The following MAML3 variants were observed in gnomAD, a reference collection of about 807,000 sequenced individuals.
The protein encoded by MAML3 is mastermind like transcriptional coactivator 3, also known as mastermind-like protein 3.
MAML3 carries 27 observed loss-of-function variants against 101.9 expected under a neutral mutation model. The observed-to-expected ratio is 0.27, with a 90% CI of 0.20 to 0.37. The LOEUF (loss-of-function observed/expected upper bound fraction) is 0.37, where lower values mean the gene tolerates loss of function less well. Among genes scored for constraint, MAML3 ranks in the 10% least tolerant of loss-of-function variants. The probability of loss-of-function intolerance (pLI) is 1.00; values close to 1 mark genes in which losing one functional copy is unlikely to be tolerated. For missense variants in MAML3, 1,316 were observed against 1,444.9 expected, an observed-to-expected ratio of 0.91 and a Z score of 1.45; for synonymous variants, 501 against 555.9, an observed-to-expected ratio of 0.90 and a Z score of 1.39.
At chr4:139,739,058 C>G (rs978882535) in intron 2 of MAML3, among the ~76,000 whole-genome samples, 1 of 152,166 alleles carries the variant, frequency 6.6e-6, no homozygotes, top group Admixed American at 6.5e-5. Context: ...TGAGTCTTCC[C>G]AGTATCCAGC....
chr4:140,002,463 T>A (rs1459874496), intron 1 of MAML3, among the ~76,000 whole-genome samples: 1 of 152,226 alleles, frequency 6.6e-6, no homozygotes, highest in African/African-American at 2.4e-5. Flanking sequence ...AAATATGATT[T>A]TTAATAAGTC....
rs187688741 is a variant in MAML3 at position 139,886,989 on chromosome 4, C to T, written c.2079+2368G>A. 3.9e-5 allele frequency among the ~76,000 whole-genome samples: 6 copies of T among 152,210 alleles called. No individual in the cohort carries two copies. The East Asian group carries it at 7.7e-4, about 20-fold the overall frequency. On this transcript the variant is annotated intron_variant, in intron 2 of 4. Transcript: ENST00000509479. ...TTGCTGCTGAAGTCATTCATTAAAACGAAATGTTGATCATGGTCATTGTGA... is the reference window on the plus strand; with the variant it reads ...TTGCTGCTGAAGTCATTCATTAAAATGAAATGTTGATCATGGTCATTGTGA...
chr4:139,906,133 T>C (rs1001609019), intron 1 of MAML3, among the ~76,000 whole-genome samples: 3 of 152,122 alleles, frequency 2.0e-5, no homozygotes, highest in African/African-American at 7.2e-5. Flanking sequence ...TATTTTGAGA[T>C]GGGGGGCGGG....
At chr4:139,806,126 A>G (rs1179303194) in intron 2 of MAML3, among the ~76,000 whole-genome samples, 1 of 152,200 alleles carries the variant, frequency 6.6e-6, no homozygotes, top group African/African-American at 2.4e-5. Flanking sequence ...TAAAATAATT[A>G]GAAGTTACAA....
intron 1 of MAML3, among the ~76,000 whole-genome samples, chr4:140,152,125 C>T (rs1194493542): frequency 2.6e-5 from 4 of 151,960 alleles, no homozygotes; most frequent in African/African-American, 7.2e-5. Flanking sequence ...CCCTCCCAGC[C>T]GCTCCACCTG....
chr4:139,775,276 C>A (rs547929372), intron 2 of MAML3, among the ~76,000 whole-genome samples: 3 of 152,312 alleles, frequency 2.0e-5, no homozygotes, highest in South Asian at 4.1e-4. Context: ...CCCTAAGCAA[C>A]CTCCTGCTAG....
chr4:139,771,973 C>G (rs551181377), intron 2 of MAML3, among the ~76,000 whole-genome samples: 1 of 150,624 alleles, frequency 6.6e-6, no homozygotes, highest in Non-Finnish European at 1.5e-5. Flanking sequence ...GGCGCGGTGG[C>G]TCACGCCTGT....
intron 2 of MAML3, among the ~76,000 whole-genome samples, chr4:139,843,636 G>A (rs1316142461): frequency 2.0e-5 from 3 of 152,210 alleles, no homozygotes; most frequent in African/African-American, 4.8e-5. Flanking sequence ...GTTCATAGAT[G>A]TAGGTAATTA....
intron 2 of MAML3, among the ~76,000 whole-genome samples, chr4:139,844,919 C>T (rs1731416360): frequency 1.3e-5 from 2 of 152,210 alleles, no homozygotes; most frequent in Non-Finnish European, 2.9e-5. Context: ...TATTCACCTT[C>T]CTTTCCTTTT....
At chr4:139,978,469 C>T (rs1038213167) in intron 1 of MAML3, among the ~76,000 whole-genome samples, 2 of 152,106 alleles carry the variant, frequency 1.3e-5, no homozygotes, top group Non-Finnish European at 2.9e-5. Context: ...AAGGAAAGTC[C>T]TGCAAAAATG....
chr4:139,761,078 C>T (rs1188865031), intron 2 of MAML3, among the ~76,000 whole-genome samples: 1 of 152,176 alleles, frequency 6.6e-6, no homozygotes, highest in African/African-American at 2.4e-5. Flanking sequence ...CCTGCTTCAG[C>T]CTCCTGAGTA....
chr4:139,987,540 C>T (rs1363738835), intron 1 of MAML3, among the ~76,000 whole-genome samples: 1 of 152,148 alleles, frequency 6.6e-6, no homozygotes, highest in Non-Finnish European at 1.5e-5. Context: ...GTGTTTCTAG[C>T]ATGTCAAAAT....
At chr4:139,788,103 A>G (rs1157720870) in intron 2 of MAML3, among the ~76,000 whole-genome samples, 1 of 152,238 alleles carries the variant, frequency 6.6e-6, no homozygotes, top group Non-Finnish European at 1.5e-5. Flanking sequence ...AGTCCAATTC[A>G]ACCTCAAGAA....
chr4:139,979,653 C>T (rs1734408479), intron 1 of MAML3, among the ~76,000 whole-genome samples: 1 of 152,134 alleles, frequency 6.6e-6, no homozygotes, highest in African/African-American at 2.4e-5. Context: ...AGAGGCTTCC[C>T]ACAGTGTTCA....
intron 1 of MAML3, among the ~76,000 whole-genome samples, chr4:139,897,872 G>A (rs535915539): frequency 6.6e-6 from 1 of 152,124 alleles, no homozygotes; most frequent in South Asian, 2.1e-4. Flanking sequence ...GACTTACCCC[G>A]CAACCCCACT....
At chr4:139,853,870 G>T (rs1325886996) in intron 2 of MAML3, among the ~76,000 whole-genome samples, 1 of 151,540 alleles carries the variant, frequency 6.6e-6, no homozygotes, top group African/African-American at 2.4e-5. Context: ...CTCCTAGGCT[G>T]GACTGCTGTG....
intron 2 of MAML3, among the ~76,000 whole-genome samples, chr4:139,840,357 C>A (rs1731339621): frequency 6.6e-6 from 1 of 152,212 alleles, no homozygotes; most frequent in African/African-American, 2.4e-5. Flanking sequence ...AATGCTTGGA[C>A]TGATCAAGCC....
chr4:140,025,245 T>C (rs1204320921), intron 1 of MAML3, among the ~76,000 whole-genome samples: 3 of 152,192 alleles, frequency 2.0e-5, no homozygotes, highest in Non-Finnish European at 4.4e-5. Context: ...AATAGCATCA[T>C]TGTTATATGA....
intron 1 of MAML3, among the ~76,000 whole-genome samples, chr4:140,122,791 CAAAA>C (rs35276329): frequency 1.1e-4 from 9 of 82,902 alleles, no homozygotes; most frequent in Admixed American, 3.7e-4. Flanking sequence ...GACTCCGTCT[CAAAA>C]AAAAAAAAAA....
Sources: allele counts gnomAD v4.1 joint callset (sites outside exome capture counted in the v4.1 genomes callset), GRCh38; gene constraint gnomAD v4.1.1; transcripts MANE v1.5; gene names NCBI Gene and HGNC (gene_info 2026-07-23, HGNC 2026-07-21).